Variants in C12orf42 observed in about 807,000 individuals in gnomAD.
C12orf42 encodes uncharacterized protein C12orf42.
In C12orf42, 25 loss-of-function variants were observed where a neutral mutation model predicts 21.6. That is an observed-to-expected ratio of 1.16 (90% CI 0.84 to 1.62). C12orf42 has a LOEUF of 1.62. C12orf42 is among the 40% of genes most tolerant of loss of function. The pLI is 0.00. For synonymous variants in C12orf42, 174 were observed against 175.0 expected (o/e 0.99, Z 0.05); for missense variants, 483 against 459.3 (o/e 1.05, Z -0.47).
the C12orf42 span, among the ~76,000 whole-genome samples, chr12:103,188,710 C>T: frequency 2.0e-5 from 3 of 152,316 alleles, no homozygotes; most frequent in Non-Finnish European, 4.4e-5. Flanking sequence ...TCTCTTGCTT[C>T]CTCTCTTGTC....
chr12:103,280,448 T>C (rs972523034), intron 4 of C12orf42, among the ~76,000 whole-genome samples: 3 of 152,120 alleles, frequency 2.0e-5, no homozygotes, highest in African/African-American at 7.2e-5. Flanking sequence ...CGAAACCCCA[T>C]CTCTACTAAA....
At chr12:103,200,260 T>A in the C12orf42 span, among the ~76,000 whole-genome samples, 2 of 152,174 alleles carry the variant, frequency 1.3e-5, no homozygotes, top group Non-Finnish European at 2.9e-5. Flanking sequence ...ACACCCCTTA[T>A]ATGATAAATC....
chr12:103,163,045 T>A, the C12orf42 span: 4 of 152,226 alleles, frequency 2.6e-5, no homozygotes, highest in African/African-American at 9.6e-5. Context: ...CAGGAGCTCA[T>A]CTTTTTGCCT....
chr12:103,340,751 C>T (rs1240910699), intron 4 of C12orf42, among the ~76,000 whole-genome samples: 2 of 151,914 alleles, frequency 1.3e-5, no homozygotes, highest in South Asian at 2.1e-4. Context: ...GACACTAGAA[C>T]GTCTGATATT....
chr12:103,227,122 G>A, the C12orf42 span, among the ~76,000 whole-genome samples: 1 of 152,102 alleles, frequency 6.6e-6, no homozygotes, highest in Non-Finnish European at 1.5e-5. Flanking sequence ...CACAGGCCAA[G>A]GGAGTAGAAG....
At chr12:103,397,830 G>A (rs932032508) in intron 3 of C12orf42, 3 of 152,052 alleles carry the variant, frequency 2.0e-5, no homozygotes, top group African/African-American at 7.2e-5. Context: ...TAGATAGAAG[G>A]AATACATTTT....
At chr12:103,263,783 C>T (rs1374619551), downstream of C12orf42, among the ~76,000 whole-genome samples, 1 of 152,174 alleles carries the variant, frequency 6.6e-6, no homozygotes, top group African/African-American at 2.4e-5. Flanking sequence ...CAAATCCTTC[C>T]ACTGCAGCCT....
chr12:103,457,569 G>C (rs547420639), intron 2 of C12orf42, among the ~76,000 whole-genome samples: 6 of 152,194 alleles, frequency 3.9e-5, no homozygotes, highest in Non-Finnish European at 8.8e-5. Context: ...CAGCTGAATG[G>C]GGATCTACAT....
the C12orf42 span, among the ~76,000 whole-genome samples, chr12:103,069,468 C>T: frequency 1.3e-5 from 2 of 152,048 alleles, no homozygotes; most frequent in Non-Finnish European, 2.9e-5. Context: ...TTAGATTTGC[C>T]TACAATTAGG....
At chr12:103,337,038 T>C (rs940800610) in intron 4 of C12orf42, among the ~76,000 whole-genome samples, 4 of 152,232 alleles carry the variant, frequency 2.6e-5, no homozygotes, top group Non-Finnish European at 5.9e-5. Flanking sequence ...GAAATACTTC[T>C]GCTGCCTAAC....
intron 4 of C12orf42, among the ~76,000 whole-genome samples, chr12:103,326,588 C>T (rs1262196064): frequency 6.6e-6 from 1 of 152,190 alleles, no homozygotes; most frequent in Non-Finnish European, 1.5e-5. Flanking sequence ...GGCGTTCTTC[C>T]TGCTTCTTGA....
At chr12:103,234,358 G>A (rs1003259065), downstream of C12orf42, among the ~76,000 whole-genome samples, 1 of 152,024 alleles carries the variant, frequency 6.6e-6, no homozygotes, top group African/African-American at 2.4e-5. Flanking sequence ...ATAATTTTGT[G>A]TGTGATTGTT....
chr12:103,364,266 G>A (rs1436511592), intron 4 of C12orf42, among the ~76,000 whole-genome samples: 4 of 151,832 alleles, frequency 2.6e-5, no homozygotes, highest in Non-Finnish European at 5.9e-5. Context: ...CAACGAAATC[G>A]ATAGAAATTT....
At chr12:103,464,416 GT>G (rs199780501) in intron 2 of C12orf42, among the ~76,000 whole-genome samples, 7 of 147,836 alleles carry the variant, frequency 4.7e-5, no homozygotes, top group South Asian at 4.2e-4. Flanking sequence ...TTTTAATGGG[GT>G]TTTTTTTTTT....
At position 103,306,122 on chromosome 12, in the gene C12orf42, A is replaced by G; in HGVS notation, c.483T>C (p.Ala161=). The G allele has an allele frequency of 6.2e-7, 1 of 1,613,954 alleles. No homozygotes were observed. The highest frequency in any genetic ancestry group is 8.5e-7 in the Non-Finnish European group (1 of 1,179,870). ...EERARGAPKQ[A]WNSSFLEQLV... ...GTTGTTCCAAAAATGAACTGTTCCAAGCCTGCTTGGGTGCTCCTCTGGCTC... is the reference window on the plus strand; with the variant it reads ...GTTGTTCCAAAAATGAACTGTTCCAGGCCTGCTTGGGTGCTCCTCTGGCTC... Residue 161 remains alanine (A), a synonymous_variant, in exon 5 of 6, where the codon GCT becomes GCC. Coordinates refer to ENST00000548883, the MANE Select transcript of C12orf42 (RefSeq NM_198521.5).
At chr12:103,138,967 A>G in the C12orf42 span, among the ~76,000 whole-genome samples, 1 of 152,084 alleles carries the variant, frequency 6.6e-6, no homozygotes, top group Non-Finnish European at 1.5e-5. Context: ...ATGTATCTGT[A>G]TTGTTCTCGA....
intron 3 of C12orf42, among the ~76,000 whole-genome samples, chr12:103,384,882 G>C (rs1171617487): frequency 2.0e-5 from 3 of 152,174 alleles, no homozygotes; most frequent in Non-Finnish European, 4.4e-5. Context: ...GGAGACCTAG[G>C]TTCGTGTCTG....
At chr12:103,126,436 G>T in the C12orf42 span, among the ~76,000 whole-genome samples, 13 of 152,086 alleles carry the variant, frequency 8.5e-5, no homozygotes, top group African/African-American at 2.4e-4. Context: ...ATACAACAAA[G>T]ATTTATCTAA....
intron 2 of C12orf42, among the ~76,000 whole-genome samples, chr12:103,420,766 G>T (rs1029460224): frequency 4.6e-5 from 7 of 152,052 alleles, no homozygotes; most frequent in African/African-American, 1.7e-4. Context: ...TGATCTGCCC[G>T]CCTCGGCCTC....
Sources: allele counts gnomAD v4.1 joint callset (sites outside exome capture counted in the v4.1 genomes callset), GRCh38; gene constraint gnomAD v4.1.1; transcripts MANE v1.5; gene names NCBI Gene and HGNC (gene_info 2026-07-23, HGNC 2026-07-21).